Variants in ARL15 observed in about 807,000 individuals in gnomAD.
ARL15 encodes the protein ARF like GTPase 15.
Under a neutral mutation model 25.2 loss-of-function variants are expected in ARL15, and 19 were observed. The observed-to-expected ratio is 0.75, with a 90% confidence interval of 0.53 to 1.10. The LOEUF is 1.10. Among genes scored for constraint, ARL15 ranks in the 50% least tolerant of loss-of-function variants. ARL15 has a pLI of 0.00. For missense variants in ARL15, 220 were observed against 246.0 expected (o/e 0.89, Z 0.71); for synonymous variants, 94 against 86.8 (o/e 1.08, Z -0.46).
intron 1 of ARL15, among the ~76,000 whole-genome samples, chr5:54,213,667 TA>T (rs759679587): frequency 1.5e-4 from 23 of 152,190 alleles, no homozygotes; most frequent in Admixed American, 1.3e-4. Context: ...AATGTTCCCA[TA>T]TTTTTTTGAG....
chr5:54,176,564 T>A (rs916654995), intron 1 of ARL15, among the ~76,000 whole-genome samples: 2 of 152,170 alleles, frequency 1.3e-5, no homozygotes, highest in Admixed American at 1.3e-4. Flanking sequence ...AGTAAGCCCC[T>A]TTCACTGTTG....
At chr5:53,969,225 C>T (rs777463878) in intron 4 of ARL15, among the ~76,000 whole-genome samples, 4 of 152,244 alleles carry the variant, frequency 2.6e-5, no homozygotes, top group South Asian at 4.2e-4. Context: ...TATATATTTA[C>T]ATAATAGGCA....
At chr5:54,018,483 G>A (rs1474753238) in intron 4 of ARL15, among the ~76,000 whole-genome samples, 1 of 152,196 alleles carries the variant, frequency 6.6e-6, no homozygotes, top group Non-Finnish European at 1.5e-5. Context: ...AAAGGCACAA[G>A]TTAAGAAAAA....
At chr5:54,306,966 G>C (rs921877453) in intron 1 of ARL15, among the ~76,000 whole-genome samples, 5 of 152,170 alleles carry the variant, frequency 3.3e-5, no homozygotes, top group African/African-American at 1.2e-4. Context: ...ATTTTAACCT[G>C]ACTATTTTCT....
chr5:54,164,420 T>C (rs1214358643), intron 2 of ARL15, among the ~76,000 whole-genome samples: 2 of 152,118 alleles, frequency 1.3e-5, no homozygotes, highest in Non-Finnish European at 2.9e-5. Flanking sequence ...ACGTACTGGC[T>C]GATTTTCTTC....
Position 53,886,056 on chromosome 5 carries a change from T to C in ARL15, c.*505A>G, listed in dbSNP as rs1744510711. 6.7e-6 allele frequency: 1 copy of C among 148,464 alleles called. No homozygotes were observed. Among genetic ancestry groups the C allele is most frequent in the African/African-American group, 2.5e-5 (1 of 40,146 alleles). The allele number at this position is 148,464 out of a possible 1,614,324, so 9.2% of individuals were successfully genotyped here. Reference sequence around the variant, plus strand: ...TGGTGCTCACTTTTCTCTCATAGTCTATAAGCTCAGTATACCAAAAAAAAA... The same window carrying C: ...TGGTGCTCACTTTTCTCTCATAGTCCATAAGCTCAGTATACCAAAAAAAAA... On this transcript the variant is annotated 3_prime_UTR_variant, in exon 5 of 5. Transcript: ENST00000504924.
intron 4 of ARL15, among the ~76,000 whole-genome samples, chr5:54,086,609 G>A (rs7709659): frequency 0.073 from 11,142 of 152,076 alleles, 518 homozygotes; most frequent in Middle Eastern, 0.11. Context: ...GGAAAAATGA[G>A]AATATTAACC....
At chr5:54,114,047 C>T (rs1294115475) in intron 3 of ARL15, among the ~76,000 whole-genome samples, 1 of 152,102 alleles carries the variant, frequency 6.6e-6, no homozygotes, top group African/African-American at 2.4e-5. Flanking sequence ...CAGGTGTACA[C>T]TTATGATCTC....
intron 2 of ARL15, among the ~76,000 whole-genome samples, chr5:54,160,307 C>A (rs943743940): frequency 8.5e-5 from 13 of 152,194 alleles, no homozygotes; most frequent in African/African-American, 3.1e-4. Context: ...GAAGCTAATA[C>A]TGAAGTTATT....
At chr5:53,963,805 T>TCTCACACACACACACA (rs1407291151) in intron 4 of ARL15, among the ~76,000 whole-genome samples, 4 of 143,244 alleles carry the variant, frequency 2.8e-5, no homozygotes, top group African/African-American at 1.1e-4. Context: ...TGAAACTCCA[T>TCTCACACACACACACA]CACACACACA....
In ARL15 at chr5:54,131,311, C is replaced by G. The variant is rs1037039400; in HGVS notation, c.254-17901G>C. The stretch of plus-strand genomic sequence containing the variant: ...TCACACCATTTATGAAACGTTTACA[C>G]TGGTCAAAATGAACTGCTCGTGTTT... On this transcript the variant is annotated intron_variant, in intron 3 of 4. Transcript: ENST00000504924. Among the ~76,000 whole-genome samples the G allele has an allele frequency of 2.0e-5, 3 of 152,196 alleles. 1 individual carries two copies. The East Asian group carries it at 5.8e-4, about 29-fold the overall frequency.
At chr5:54,248,940 C>T (rs1013155417) in intron 1 of ARL15, among the ~76,000 whole-genome samples, 10 of 152,018 alleles carry the variant, frequency 6.6e-5, no homozygotes, top group Admixed American at 2.0e-4. Flanking sequence ...TGGTGGCTCA[C>T]GCCTGTAATC....
intron 4 of ARL15, among the ~76,000 whole-genome samples, chr5:53,905,177 AC>A (rs1745211402): frequency 6.6e-6 from 1 of 152,136 alleles, no homozygotes; most frequent in South Asian, 2.1e-4. Context: ...AGTCATTAAC[AC>A]CCACTTCAGT....
At chr5:54,192,635 G>C (rs1247100938) in intron 1 of ARL15, among the ~76,000 whole-genome samples, 2 of 115,608 alleles carry the variant, frequency 1.7e-5, no homozygotes, top group East Asian at 6.1e-4. Flanking sequence ...ATAACACTAA[G>C]GTCATGCTAA....
At chr5:54,046,575 T>A (rs1750523446) in intron 4 of ARL15, among the ~76,000 whole-genome samples, 1 of 151,968 alleles carries the variant, frequency 6.6e-6, no homozygotes, top group Admixed American at 6.6e-5. Context: ...CAAACCAGTT[T>A]GAATGAAAAA....
At position 53,988,408 on chromosome 5, in the gene ARL15, A is replaced by C. The variant is rs58779448; in HGVS notation, c.463-101695T>G. Among the ~76,000 whole-genome samples, 1,048 of 152,056 alleles carry C rather than the reference A, an allele frequency of 6.9e-3. 15 individuals carry two copies. The highest frequency in any genetic ancestry group is 0.024 in the African/African-American group (984 of 41,498). ...ATGGACAATAGCCCCCACTTAAGTTATTGGAAGAATCAGGTGAGTTGAGTT... is the reference window on the plus strand; with the variant it reads ...ATGGACAATAGCCCCCACTTAAGTTCTTGGAAGAATCAGGTGAGTTGAGTT... On this transcript the variant is annotated intron_variant, in intron 4 of 4. Coordinates refer to ENST00000504924, the MANE Select transcript of ARL15 (RefSeq NM_019087.3).
At chr5:53,977,249 C>G (rs1747962964) in intron 4 of ARL15, among the ~76,000 whole-genome samples, 1 of 149,522 alleles carries the variant, frequency 6.7e-6, no homozygotes, top group South Asian at 2.1e-4. Context: ...CCCAGCTACT[C>G]GGAGGCTGAG....
intron 1 of ARL15, among the ~76,000 whole-genome samples, chr5:54,267,432 T>G (rs903947438): frequency 7.9e-5 from 12 of 152,212 alleles, no homozygotes; most frequent in African/African-American, 2.9e-4. Context: ...ATTGTTTGTT[T>G]CAGCATCCTC....
At chr5:53,903,407 G>A (rs1461289036) in intron 4 of ARL15, among the ~76,000 whole-genome samples, 3 of 152,188 alleles carry the variant, frequency 2.0e-5, no homozygotes, top group African/African-American at 2.4e-5. Context: ...GGGAAGCAGA[G>A]CAGGTGGTTA....
Sources: gnomAD v4.1 joint callset for allele counts (sites outside exome capture counted in the v4.1 genomes callset) on GRCh38, gnomAD v4.1.1 for gene constraint, MANE v1.5 for transcripts, NCBI Gene and HGNC (gene_info 2026-07-23, HGNC 2026-07-21) for gene names.